HCN1: variants seen among roughly 807,000 people sequenced by gnomAD.
HCN1 encodes potassium/sodium hyperpolarization-activated cyclic nucleotide-gated channel 1.
Under a neutral mutation model 78.9 loss-of-function variants are expected in HCN1, and 13 were observed. That is an observed-to-expected ratio of 0.16 (90% CI 0.11 to 0.26). HCN1 has a LOEUF of 0.26. Ranked by LOEUF, HCN1 falls within the 10% of genes least tolerant of loss-of-function variation. The pLI is 1.00. For synonymous variants in HCN1, 552 were observed against 455.5 expected (o/e 1.21, Z -2.70); for missense variants, 810 against 1,154.3 (o/e 0.70, Z 4.32).
At chr5:45,271,739 A>G (rs1744965051) in intron 6 of HCN1, among the ~76,000 whole-genome samples, 1 of 152,158 alleles carries the variant, frequency 6.6e-6, no homozygotes, top group Non-Finnish European at 1.5e-5. Context: ...TGCTTAATGA[A>G]ATAAATTATT....
intron 2 of HCN1, among the ~76,000 whole-genome samples, chr5:45,525,908 T>C (rs1359314949): frequency 6.6e-6 from 1 of 151,980 alleles, no homozygotes. Context: ...GTCAAGGTGA[T>C]AGAGCCCTCA....
intron 3 of HCN1, among the ~76,000 whole-genome samples, chr5:45,434,523 G>A (rs995829498): frequency 6.6e-5 from 10 of 152,310 alleles, no homozygotes; most frequent in African/African-American, 2.2e-4. Flanking sequence ...ATACAAGAAC[G>A]TGGAGGAGGA....
intron 6 of HCN1, among the ~76,000 whole-genome samples, chr5:45,300,171 C>CACT (rs1745581579): frequency 6.6e-6 from 1 of 151,996 alleles, no homozygotes; most frequent in South Asian, 2.1e-4. Flanking sequence ...TGCATAATAA[C>CACT]ACTTCAAAAA....
intron 2 of HCN1, among the ~76,000 whole-genome samples, chr5:45,528,450 C>T (rs1742782677): frequency 1.3e-5 from 2 of 151,876 alleles, no homozygotes; most frequent in African/African-American, 4.8e-5. Context: ...TGGTTGATAA[C>T]ATATTTTGAT....
chr5:45,626,042 C>T (rs1021724337), intron 2 of HCN1, among the ~76,000 whole-genome samples: 4 of 152,192 alleles, frequency 2.6e-5, no homozygotes, highest in Non-Finnish European at 5.9e-5. Context: ...CTAGCTCCTT[C>T]AGTCTTTACA....
At chr5:45,463,166 A>C (rs1561164443) in intron 2 of HCN1, among the ~76,000 whole-genome samples, 1 of 152,054 alleles carries the variant, frequency 6.6e-6, no homozygotes. Flanking sequence ...AGAAAACCAA[A>C]AAAAATACAT....
chr5:45,605,564 T>C (rs1327616402), intron 2 of HCN1, among the ~76,000 whole-genome samples: 8 of 151,944 alleles, frequency 5.3e-5, no homozygotes, highest in Non-Finnish European at 1.2e-4. Flanking sequence ...CAGAGTAATG[T>C]GGACAGCATT....
rs77871604 is a variant in HCN1 at position 45,329,247 on chromosome 5, T to C, written c.1377+23853A>G. On this transcript the variant is annotated intron_variant, in intron 5 of 7. Coordinates refer to ENST00000303230, the MANE Select transcript of HCN1 (RefSeq NM_021072.4). ...TCCCCAACAAAAACTTTGTAACCAT[T>C]AAAGAACTGCCACTTTCCTCCCCTT... Among the ~76,000 whole-genome samples, 602 of 151,594 alleles carry C rather than the reference T, an allele frequency of 4.0e-3. 5 individuals are homozygous for C. The highest frequency in any genetic ancestry group is 0.014 in the African/African-American group (585 of 41,478).
Position 45,261,760 on chromosome 5 carries a change from A to T in HCN1, c.*161T>A. 1.3e-6 allele frequency: 1 copy of T among 762,406 alleles called. No individual in the cohort carries two copies. Among genetic ancestry groups the T allele is most frequent in the Non-Finnish European group, 2.2e-6 (1 of 463,936 alleles). 47.2% of individuals were successfully genotyped at this position (762,406 alleles called of 1,614,324 possible). On this transcript the variant is annotated 3_prime_UTR_variant, in exon 8 of 8. Coordinates refer to ENST00000303230, the MANE Select transcript of HCN1 (RefSeq NM_021072.4). ...GGAATTTAGATATATATTTTATAGT[A>T]TATGTATATATATTTTTACATTTCA...
intron 2 of HCN1, among the ~76,000 whole-genome samples, chr5:45,469,505 G>A (rs151094464): frequency 0.017 from 2,597 of 151,956 alleles, 44 homozygotes; most frequent in Admixed American, 0.057. Flanking sequence ...TAAATGAGGC[G>A]AAAACCACAT....
At chr5:45,498,364 C>T (rs1032382569) in intron 2 of HCN1, among the ~76,000 whole-genome samples, 3 of 152,180 alleles carry the variant, frequency 2.0e-5, no homozygotes, top group Admixed American at 1.3e-4. Flanking sequence ...ACTGCTTCTT[C>T]CAGTTCATCG....
chr5:45,584,617 C>T (rs143457965), intron 2 of HCN1, among the ~76,000 whole-genome samples: 68,843 of 152,022 alleles, frequency 0.45, 18,208 homozygotes, highest in Non-Finnish European at 0.57. Flanking sequence ...GCAGTTTCTT[C>T]CTAGCCTCGA....
chr5:45,408,126 C>A (rs948547564), intron 3 of HCN1, among the ~76,000 whole-genome samples: 16 of 151,940 alleles, frequency 1.1e-4, no homozygotes, highest in Non-Finnish European at 1.9e-4. Context: ...AAAATAAAAA[C>A]ATTATAAAGT....
At chr5:45,424,128 A>C (rs1330510333) in intron 3 of HCN1, among the ~76,000 whole-genome samples, 2 of 148,742 alleles carry the variant, frequency 1.3e-5, no homozygotes, top group African/African-American at 4.9e-5. Context: ...CCAAAAAAAA[A>C]AAAAAAAAAA....
chr5:45,502,750 T>C (rs975730459), intron 2 of HCN1, among the ~76,000 whole-genome samples: 1 of 152,198 alleles, frequency 6.6e-6, no homozygotes, highest in Non-Finnish European at 1.5e-5. Flanking sequence ...AAATGTTAGC[T>C]ATTAATAATG....
intron 2 of HCN1, among the ~76,000 whole-genome samples, chr5:45,640,257 C>G (rs1745426473): frequency 6.6e-6 from 1 of 152,098 alleles, no homozygotes; most frequent in South Asian, 2.1e-4. Context: ...AACGGATACT[C>G]TCTTATTATT....
chr5:45,399,062 G>A (rs915162564), intron 3 of HCN1, among the ~76,000 whole-genome samples: 7 of 152,322 alleles, frequency 4.6e-5, no homozygotes, highest in Middle Eastern at 3.4e-3. Context: ...ATACTACAGG[G>A]ATGGTCCCTT....
intron 2 of HCN1, among the ~76,000 whole-genome samples, chr5:45,625,906 C>T (rs941857305): frequency 6.6e-6 from 1 of 152,016 alleles, no homozygotes; most frequent in African/African-American, 2.4e-5. Context: ...ATAGAAGGCA[C>T]ATTTACAACA....
intron 1 of HCN1, among the ~76,000 whole-genome samples, chr5:45,660,544 G>A (rs1437795902): frequency 2.0e-5 from 3 of 151,890 alleles, no homozygotes; most frequent in East Asian, 1.9e-4. Context: ...TCAGTGTGCT[G>A]TATTCAGGAA....
Sources: allele counts gnomAD v4.1 joint callset (sites outside exome capture counted in the v4.1 genomes callset), GRCh38; gene constraint gnomAD v4.1.1; transcripts MANE v1.5; gene names NCBI Gene and HGNC (gene_info 2026-07-23, HGNC 2026-07-21).